The following ROBO2 variants were observed in gnomAD, a reference collection of about 807,000 sequenced individuals.
ROBO2 encodes the protein roundabout homolog 2.
Under a neutral mutation model 160.8 loss-of-function variants are expected in ROBO2, and 53 were observed. That is an observed-to-expected ratio of 0.33 (90% CI 0.26 to 0.41). The LOEUF (loss-of-function observed/expected upper bound fraction) is 0.41, where lower values mean the gene tolerates loss of function less well. Among genes scored for constraint, ROBO2 ranks in the 10% least tolerant of loss-of-function variants. ROBO2 has a pLI of 1.00. For synonymous variants in ROBO2, 664 were observed against 611.7 expected, an observed-to-expected ratio of 1.09 and a Z score of -1.26; for missense variants, 1,577 against 1,722.4, an observed-to-expected ratio of 0.92 and a Z score of 1.49.
intron 2 of ROBO2, among the ~76,000 whole-genome samples, chr3:75,948,516 A>G (rs901620133): frequency 2.0e-5 from 3 of 152,048 alleles, no homozygotes; most frequent in African/African-American, 7.2e-5. Flanking sequence ...CGTGGCCCAA[A>G]TATTTCCTTC....
chr3:76,429,363 T>C (rs1475470665), intron 2 of ROBO2, among the ~76,000 whole-genome samples: 1 of 152,166 alleles, frequency 6.6e-6, no homozygotes, highest in African/African-American at 2.4e-5. Flanking sequence ...AAACCCATTG[T>C]TAGGGTTGTT....
At chr3:76,326,575 A>G (rs1024098632) in intron 2 of ROBO2, among the ~76,000 whole-genome samples, 4 of 152,094 alleles carry the variant, frequency 2.6e-5, no homozygotes, top group Non-Finnish European at 5.9e-5. Flanking sequence ...ACCGAATGAA[A>G]AATTTATTCA....
At chr3:76,456,495 C>T (rs906283903) in intron 2 of ROBO2, among the ~76,000 whole-genome samples, 11 of 152,144 alleles carry the variant, frequency 7.2e-5, no homozygotes, top group African/African-American at 2.7e-4. Flanking sequence ...CCAGCAGGTA[C>T]TTTACGTCAG....
intron 2 of ROBO2, among the ~76,000 whole-genome samples, chr3:76,396,890 C>A (rs2077488457): frequency 6.6e-6 from 1 of 152,124 alleles, no homozygotes; most frequent in Admixed American, 6.5e-5. Flanking sequence ...TGGAAATGGC[C>A]ATACTGCCCA....
intron 2 of ROBO2, among the ~76,000 whole-genome samples, chr3:76,749,589 T>C (rs1279462452): frequency 3.3e-5 from 5 of 152,024 alleles, no homozygotes; most frequent in Non-Finnish European, 7.4e-5. Flanking sequence ...AAGCTTCAAT[T>C]TGAGCAAAGG....
rs557480001 is a variant in ROBO2 at position 77,434,633 on chromosome 3, C to T, written c.389-42781C>T. ...GACCCTCAGACCATGTACTGCGATA[C>T]ACTGCAAAGAAGGTTTAGTGCTTAT... On this transcript the variant is annotated intron_variant, in intron 2 of 25. Transcript: ENST00000461745. 3.8e-4 allele frequency among the ~76,000 whole-genome samples: 57 copies of T among 151,638 alleles called. No homozygotes were observed. The Middle Eastern group carries it at 0.01, about 27-fold the overall frequency.
At chr3:76,090,466 G>C (rs1424273510) in intron 2 of ROBO2, among the ~76,000 whole-genome samples, 1 of 151,740 alleles carries the variant, frequency 6.6e-6, no homozygotes, top group Non-Finnish European at 1.5e-5. Flanking sequence ...AATAAATGAG[G>C]CTATATTTCA....
At chr3:76,374,817 C>T (rs2076264987) in intron 2 of ROBO2, among the ~76,000 whole-genome samples, 1 of 151,964 alleles carries the variant, frequency 6.6e-6, no homozygotes, top group Admixed American at 6.6e-5. Flanking sequence ...TGATTCCACT[C>T]AGCCTTAAGA....
intron 2 of ROBO2, among the ~76,000 whole-genome samples, chr3:76,861,412 A>G (rs915315515): frequency 2.0e-5 from 3 of 152,106 alleles, no homozygotes; most frequent in Non-Finnish European, 4.4e-5. Context: ...TTCTTAGTAA[A>G]TTATTCTAAT....
At chr3:77,557,608 A>AAATTTT (rs61364001) in intron 8 of ROBO2, among the ~76,000 whole-genome samples, 83,936 of 150,674 alleles carry the variant, frequency 0.56, 23,415 homozygotes, top group Middle Eastern at 0.68. Context: ...TAAGCTATTC[A>AAATTTT]AATTTTAATT....
intron 2 of ROBO2, among the ~76,000 whole-genome samples, chr3:77,436,006 A>C (rs997620268): frequency 6.6e-6 from 1 of 150,682 alleles, no homozygotes; most frequent in African/African-American, 2.4e-5. Context: ...TGACTTTGTC[A>C]TTCTTGATTA....
chr3:76,518,711 T>G (rs981076051), intron 2 of ROBO2, among the ~76,000 whole-genome samples: 1 of 152,062 alleles, frequency 6.6e-6, no homozygotes, highest in African/African-American at 2.4e-5. Context: ...AATAAGCAAA[T>G]TTTATTTATG....
intron 2 of ROBO2, among the ~76,000 whole-genome samples, chr3:76,070,343 C>T (rs1000790684): frequency 4.6e-5 from 7 of 152,074 alleles, no homozygotes; most frequent in African/African-American, 7.2e-5. Context: ...CCCCGCTGGG[C>T]GTGGTCATCT....
chr3:77,505,710 C>T (rs2088404768), intron 5 of ROBO2, among the ~76,000 whole-genome samples: 1 of 151,992 alleles, frequency 6.6e-6, no homozygotes, highest in South Asian at 2.1e-4. Context: ...TTTACAAGTG[C>T]TTTCCTTAGA....
chr3:76,463,399 A>G (rs1012079478), intron 2 of ROBO2, among the ~76,000 whole-genome samples: 8 of 152,080 alleles, frequency 5.3e-5, no homozygotes, highest in Admixed American at 1.3e-4. Flanking sequence ...AAAAAAAACT[A>G]TAATTTTCAT....
intron 2 of ROBO2, among the ~76,000 whole-genome samples, chr3:76,380,206 AT>A (rs2076549110): frequency 6.6e-6 from 1 of 152,166 alleles, no homozygotes; most frequent in African/African-American, 2.4e-5. Flanking sequence ...ATTAAAATAC[AT>A]TTAATGTATT....
chr3:76,834,137 TCCTTC>T (rs2067426913), intron 2 of ROBO2, among the ~76,000 whole-genome samples: 1 of 140,918 alleles, frequency 7.1e-6, no homozygotes, highest in East Asian at 2.2e-4. Context: ...CTTCCTTCTT[TCCTTC>T]CTTCCTTTCT....
intron 2 of ROBO2, among the ~76,000 whole-genome samples, chr3:76,331,609 T>C (rs1398472401): frequency 6.6e-6 from 1 of 152,102 alleles, no homozygotes; most frequent in Non-Finnish European, 1.5e-5. Flanking sequence ...ATCTTTGCAG[T>C]CTACATCACA....
chr3:77,626,969 G>A (rs1047956599), intron 23 of ROBO2, among the ~76,000 whole-genome samples: 1 of 152,098 alleles, frequency 6.6e-6, no homozygotes, highest in African/African-American at 2.4e-5. Context: ...TAGAGCCTCG[G>A]CCACTAAAAT....
Sources: allele counts gnomAD v4.1 joint callset (sites outside exome capture counted in the v4.1 genomes callset), GRCh38; gene constraint gnomAD v4.1.1; transcripts MANE v1.5; gene names NCBI Gene and HGNC (gene_info 2026-07-23, HGNC 2026-07-21).